Variants in KCNB2 observed in about 807,000 individuals in gnomAD.
The protein encoded by KCNB2 is potassium voltage-gated channel subfamily B member 2.
KCNB2 carries 15 observed loss-of-function variants against 61.5 expected under a neutral mutation model. That is an observed-to-expected ratio of 0.24 (90% CI 0.16 to 0.38). The LOEUF (loss-of-function observed/expected upper bound fraction) is 0.38, where lower values mean the gene tolerates loss of function less well. Among genes scored for constraint, KCNB2 ranks in the 10% least tolerant of loss-of-function variants. The pLI is 1.00. For missense variants in KCNB2, 828 were observed against 1,125.2 expected, an observed-to-expected ratio of 0.74 and a Z score of 3.78; for synonymous variants, 457 against 446.0, an observed-to-expected ratio of 1.02 and a Z score of -0.31.
chr8:72,570,506 G>T (rs969015315), intron 2 of KCNB2, among the ~76,000 whole-genome samples: 1 of 151,820 alleles, frequency 6.6e-6, no homozygotes, highest in Non-Finnish European at 1.5e-5. Context: ...TTTTAAAATG[G>T]CTCTGTGTGA....
intron 1 of KCNB2, among the ~76,000 whole-genome samples, chr8:72,562,626 G>T (rs1806555610): frequency 6.6e-6 from 1 of 152,046 alleles, no homozygotes; most frequent in Non-Finnish European, 1.5e-5. Context: ...GTGTTCTGAG[G>T]TCTCAAACAA....
At chr8:72,838,638 T>G (rs1187325415) in intron 2 of KCNB2, among the ~76,000 whole-genome samples, 2 of 152,182 alleles carry the variant, frequency 1.3e-5, no homozygotes, top group African/African-American at 4.8e-5. Flanking sequence ...GTAATGGGAT[T>G]GCTGCGTCAA....
chr8:72,749,799 T>A (rs1222757074), intron 2 of KCNB2, among the ~76,000 whole-genome samples: 3 of 145,786 alleles, frequency 2.1e-5, no homozygotes, highest in Non-Finnish European at 4.5e-5. Context: ...ATAATATATA[T>A]AATATATAAT....
chr8:72,724,546 A>G (rs916046741), intron 2 of KCNB2, among the ~76,000 whole-genome samples: 2 of 152,188 alleles, frequency 1.3e-5, no homozygotes, highest in African/African-American at 4.8e-5. Flanking sequence ...TTTTCATGAT[A>G]TGGAAAGTAG....
At chr8:72,916,782 A>G (rs1427306366) in intron 2 of KCNB2, among the ~76,000 whole-genome samples, 7 of 152,224 alleles carry the variant, frequency 4.6e-5, no homozygotes, top group Non-Finnish European at 1.5e-5. Context: ...TATTCTTCCC[A>G]TGAAGTTTGG....
intron 2 of KCNB2, among the ~76,000 whole-genome samples, chr8:72,620,686 G>A (rs2128984174): frequency 6.6e-6 from 1 of 152,214 alleles, no homozygotes; most frequent in Non-Finnish European, 1.5e-5. Flanking sequence ...TTGGCTCACT[G>A]CAACCTCTGC....
chr8:72,778,165 A>G (rs563858501), intron 2 of KCNB2, among the ~76,000 whole-genome samples: 2 of 152,332 alleles, frequency 1.3e-5, no homozygotes, highest in African/African-American at 4.8e-5. Context: ...TGTGATATTT[A>G]TAATTAATAC....
At chr8:72,784,327 T>C (rs772781124) in intron 2 of KCNB2, among the ~76,000 whole-genome samples, 20 of 152,192 alleles carry the variant, frequency 1.3e-4, no homozygotes, top group East Asian at 1.9e-4. Flanking sequence ...TTGACCTTTT[T>C]GGATTCCAAA....
intron 2 of KCNB2, among the ~76,000 whole-genome samples, chr8:72,679,793 C>T (rs1485225716): frequency 6.6e-6 from 1 of 152,170 alleles, no homozygotes; most frequent in Admixed American, 6.5e-5. Flanking sequence ...AATCTCTGGA[C>T]AGCAGCAGCA....
intron 2 of KCNB2, among the ~76,000 whole-genome samples, chr8:72,688,263 C>T (rs1806886531): frequency 6.6e-6 from 1 of 152,132 alleles, no homozygotes; most frequent in Admixed American, 6.5e-5. Flanking sequence ...CCCTTTTGAG[C>T]TCCTTAGCTT....
intron 2 of KCNB2, among the ~76,000 whole-genome samples, chr8:72,611,892 T>C (rs573019597): frequency 6.6e-6 from 1 of 152,182 alleles, no homozygotes; most frequent in East Asian, 1.9e-4. Context: ...ATGGGAACAA[T>C]AGGATTTGTG....
intron 2 of KCNB2, among the ~76,000 whole-genome samples, chr8:72,930,717 A>G (rs2129009000): frequency 6.6e-6 from 1 of 152,162 alleles, no homozygotes; most frequent in East Asian, 1.9e-4. Flanking sequence ...AGATGAGTAG[A>G]TTGCAAAAAT....
intron 1 of KCNB2, among the ~76,000 whole-genome samples, chr8:72,559,437 A>G (rs1004717496): frequency 6.6e-6 from 1 of 151,960 alleles, no homozygotes; most frequent in Non-Finnish European, 1.5e-5. Context: ...GAGCCACCGC[A>G]CCCGGCCAGT....
At chr8:72,543,613 A>T (rs1324906625) in intron 1 of KCNB2, among the ~76,000 whole-genome samples, 1 of 152,236 alleles carries the variant, frequency 6.6e-6, no homozygotes, top group South Asian at 2.1e-4. Context: ...ACCTTCTATC[A>T]TTCCTAGAAA....
At chr8:72,825,628 G>A (rs377147810) in intron 2 of KCNB2, among the ~76,000 whole-genome samples, 16 of 152,292 alleles carry the variant, frequency 1.1e-4, no homozygotes, top group African/African-American at 3.6e-4. Context: ...GTTTTGATTT[G>A]CATTTCCCTG....
chr8:72,564,058 A>G (rs1806585657), intron 1 of KCNB2, among the ~76,000 whole-genome samples: 1 of 152,202 alleles, frequency 6.6e-6, no homozygotes. Context: ...TGTAATCAAC[A>G]CTGGATCTCT....
intron 2 of KCNB2, among the ~76,000 whole-genome samples, chr8:72,718,044 C>T (rs1293241828): frequency 6.6e-6 from 1 of 151,834 alleles, no homozygotes; most frequent in Non-Finnish European, 1.5e-5. Flanking sequence ...ATTTATGCAG[C>T]CAAAAAACAC....
At chr8:72,722,361 C>G (rs1388468318) in intron 2 of KCNB2, among the ~76,000 whole-genome samples, 1 of 152,180 alleles carries the variant, frequency 6.6e-6, no homozygotes, top group African/African-American at 2.4e-5. Context: ...GGCAAATCAC[C>G]ATGATGCCCA....
intron 2 of KCNB2, among the ~76,000 whole-genome samples, chr8:72,855,396 CATA>C (rs1810190763): frequency 6.6e-6 from 1 of 152,064 alleles, no homozygotes. Flanking sequence ...TGGTGCATAC[CATA>C]ATGTTTCAGT....
Sources: gnomAD v4.1 joint callset for allele counts (sites outside exome capture counted in the v4.1 genomes callset) on GRCh38, gnomAD v4.1.1 for gene constraint, MANE v1.5 for transcripts, NCBI Gene and HGNC (gene_info 2026-07-23, HGNC 2026-07-21) for gene names.